PCDH7: variants seen among roughly 807,000 people sequenced by gnomAD.
PCDH7 encodes protocadherin-7.
In PCDH7, 17 loss-of-function variants were observed where a neutral mutation model predicts 58.9. The ratio of observed to expected loss-of-function variants is 0.29; its 90% CI spans 0.20 to 0.43. The LOEUF is 0.43. Ranked by LOEUF, PCDH7 falls within the 20% of genes least tolerant of loss-of-function variation. PCDH7 has a pLI of 1.00. For missense variants in PCDH7, 1,274 were observed against 1,441.0 expected (o/e 0.88, Z 1.88); for synonymous variants, 664 against 616.4 (o/e 1.08, Z -1.14).
At chr4:30,980,766 T>C (rs1213408038) in intron 3 of PCDH7, among the ~76,000 whole-genome samples, 1 of 152,222 alleles carries the variant, frequency 6.6e-6, no homozygotes, top group Non-Finnish European at 1.5e-5. Flanking sequence ...GAAATCAATT[T>C]TCGTTAATTT....
At chr4:30,738,511 T>A (rs1716620130) in intron 1 of PCDH7, among the ~76,000 whole-genome samples, 1 of 152,224 alleles carries the variant, frequency 6.6e-6, no homozygotes, top group Non-Finnish European at 1.5e-5. Flanking sequence ...ATCTAACTTA[T>A]TAGGCACATC....
At chr4:30,784,194 C>T (rs1404422116) in intron 1 of PCDH7, among the ~76,000 whole-genome samples, 1 of 152,196 alleles carries the variant, frequency 6.6e-6, no homozygotes, top group Non-Finnish European at 1.5e-5. Context: ...ACATCCAGTT[C>T]TACTCTGACC....
chr4:31,072,340 A>G (rs1005969701), intron 3 of PCDH7, among the ~76,000 whole-genome samples: 1 of 152,238 alleles, frequency 6.6e-6, no homozygotes, highest in Non-Finnish European at 1.5e-5. Context: ...TATAAATAAG[A>G]TCATATATGT....
chr4:30,844,520 C>T (rs1268536012), intron 1 of PCDH7, among the ~76,000 whole-genome samples: 1 of 152,058 alleles, frequency 6.6e-6, no homozygotes, highest in African/African-American at 2.4e-5. Flanking sequence ...TGGAGCTTTT[C>T]TAGCTTTTTC....
Position 31,067,181 on chromosome 4 carries a change from G to A in PCDH7, c.*8-75292G>A, listed in dbSNP as rs930362125. On this transcript the variant is annotated intron_variant, in intron 3 of 3. Transcript: ENST00000509759. ...GCGTGTTAAAAATACAGATACCTTA[G>A]GTCCATCTAAGTTTGGAAGAATTTG... Among the ~76,000 whole-genome samples, 100 of 151,984 alleles carry A rather than the reference G, an allele frequency of 6.6e-4. 2 individuals are homozygous for A. Among genetic ancestry groups the A allele is most frequent in the Middle Eastern group, 3.4e-3 (1 of 294 alleles).
At chr4:30,937,485 T>C (rs1745501795) in intron 2 of PCDH7, among the ~76,000 whole-genome samples, 2 of 152,234 alleles carry the variant, frequency 1.3e-5, no homozygotes, top group African/African-American at 4.8e-5. Flanking sequence ...ATATTTATTT[T>C]AATTATGCCT....
rs146313736 is a variant in PCDH7, at chr4:31,058,987, T to A, written c.*8-83486T>A. 2.8e-3 allele frequency among the ~76,000 whole-genome samples: 420 copies of A among 152,118 alleles called. 1 individual carries two copies. The highest frequency in any genetic ancestry group is 9.5e-3 in the African/African-American group (393 of 41,554). ...TTTTTATTGGGTAAAAGTCATAGGC[T>A]CTAATTCAATACTTAAGAGAAATTG... On this transcript the variant is annotated intron_variant, in intron 3 of 3. Transcript: ENST00000509759.
intron 3 of PCDH7, among the ~76,000 whole-genome samples, chr4:31,092,198 C>G (rs559970326): frequency 1.3e-5 from 2 of 151,842 alleles, no homozygotes; most frequent in Non-Finnish European, 2.9e-5. Context: ...ATTTCTATCT[C>G]TAAGAAATGA....
chr4:30,960,306 A>T (rs774486906), intron 3 of PCDH7, among the ~76,000 whole-genome samples: 9 of 152,170 alleles, frequency 5.9e-5, no homozygotes, highest in Non-Finnish European at 1.2e-4. Flanking sequence ...TATCTCTTCG[A>T]GACATGCTTT....
intron 3 of PCDH7, among the ~76,000 whole-genome samples, chr4:31,009,785 C>A (rs1753038218): frequency 6.6e-6 from 1 of 151,822 alleles, no homozygotes; most frequent in Non-Finnish European, 1.5e-5. Context: ...TTTAGTTGGG[C>A]CCAAAGCATA....
intron 1 of PCDH7, among the ~76,000 whole-genome samples, chr4:30,750,356 G>T (rs1022321957): frequency 6.6e-6 from 1 of 152,126 alleles, no homozygotes; most frequent in Non-Finnish European, 1.5e-5. Context: ...AAGGGACCTT[G>T]TGATTGCAGT....
At chr4:31,135,014 A>G (rs1719426240) in intron 3 of PCDH7, among the ~76,000 whole-genome samples, 1 of 152,194 alleles carries the variant, frequency 6.6e-6, no homozygotes, top group African/African-American at 2.4e-5. Flanking sequence ...GGGTATGTGT[A>G]GGGAGACTGG....
chr4:30,813,418 G>A (rs1727255212), intron 1 of PCDH7, among the ~76,000 whole-genome samples: 1 of 152,068 alleles, frequency 6.6e-6, no homozygotes, highest in Non-Finnish European at 1.5e-5. Context: ...TCAAGAAAAT[G>A]TTGGTTTGGC....
intron 3 of PCDH7, among the ~76,000 whole-genome samples, chr4:31,069,330 T>A (rs1758349378): frequency 6.6e-6 from 1 of 151,932 alleles, no homozygotes; most frequent in African/African-American, 2.4e-5. Context: ...ATCCACTTCA[T>A]TTGCTTTGCT....
chr4:31,034,315 C>G (rs1234503842), intron 3 of PCDH7, among the ~76,000 whole-genome samples: 1 of 152,178 alleles, frequency 6.6e-6, no homozygotes, highest in African/African-American at 2.4e-5. Context: ...TACCTTCCCT[C>G]ATGCATCACC....
chr4:30,945,815 C>T (rs1316695872), intron 2 of PCDH7, among the ~76,000 whole-genome samples: 1 of 152,102 alleles, frequency 6.6e-6, no homozygotes, highest in African/African-American at 2.4e-5. Flanking sequence ...TCCTTCTCTC[C>T]GTGTTGCCAA....
At chr4:31,137,038 G>C (rs1399471641) in intron 3 of PCDH7, among the ~76,000 whole-genome samples, 1 of 152,282 alleles carries the variant, frequency 6.6e-6, no homozygotes, top group Non-Finnish European at 1.5e-5. Flanking sequence ...ACAGTGAAGG[G>C]AATGTTAAAA....
intron 1 of PCDH7, among the ~76,000 whole-genome samples, chr4:30,900,157 T>C (rs1041687340): frequency 6.6e-6 from 1 of 152,194 alleles, no homozygotes; most frequent in Non-Finnish European, 1.5e-5. Flanking sequence ...TACTGTGATG[T>C]AAGTATTCCC....
chr4:30,832,410 G>C (rs182680673), intron 1 of PCDH7, among the ~76,000 whole-genome samples: 1 of 152,160 alleles, frequency 6.6e-6, no homozygotes, highest in Non-Finnish European at 1.5e-5. Flanking sequence ...TGTAAGCATC[G>C]ACAGATTTTT....
Sources: allele counts gnomAD v4.1 joint callset (sites outside exome capture counted in the v4.1 genomes callset), GRCh38; gene constraint gnomAD v4.1.1; transcripts MANE v1.5; gene names NCBI Gene and HGNC (gene_info 2026-07-23, HGNC 2026-07-21).